RETREG1: variants seen among roughly 807,000 people sequenced by gnomAD.
RETREG1 encodes family with sequence similarity 134 member B.
In RETREG1, 44 loss-of-function variants were observed where a neutral mutation model predicts 54.8. The observed-to-expected ratio is 0.80, with a 90% CI of 0.63 to 1.03. The LOEUF is 1.03. Among genes scored for constraint, RETREG1 ranks in the 50% least tolerant of loss-of-function variants. RETREG1 has a pLI of 0.00. For missense variants in RETREG1, 554 were observed against 605.1 expected (o/e 0.92, Z 0.89); for synonymous variants, 217 against 238.5 (o/e 0.91, Z 0.83).
intron 1 of RETREG1, among the ~76,000 whole-genome samples, chr5:16,581,822 A>G (rs1217319646): frequency 1.3e-5 from 2 of 152,250 alleles, no homozygotes; most frequent in Non-Finnish European, 2.9e-5. Flanking sequence ...TGAATAGAAT[A>G]CAACCTTTTA....
intron 1 of RETREG1, among the ~76,000 whole-genome samples, chr5:16,583,731 C>A (rs1341523575): frequency 6.6e-6 from 1 of 152,110 alleles, no homozygotes; most frequent in Non-Finnish European, 1.5e-5. Context: ...AAAAATCTAA[C>A]CCTCATTTCT....
intron 3 of RETREG1, among the ~76,000 whole-genome samples, chr5:16,543,969 A>G (rs1016121886): frequency 1.4e-4 from 20 of 141,706 alleles, no homozygotes; most frequent in Non-Finnish European, 2.8e-4. Flanking sequence ...TTTATTGCCA[A>G]GTTTTTTTTT....
intron 3 of RETREG1, among the ~76,000 whole-genome samples, chr5:16,533,145 C>T (rs1367886384): frequency 1.3e-5 from 2 of 151,952 alleles, no homozygotes; most frequent in African/African-American, 2.4e-5. Flanking sequence ...CCCGGGTTCA[C>T]GCCATTCTCC....
intron 1 of RETREG1, among the ~76,000 whole-genome samples, chr5:16,592,724 A>T (rs1742808263): frequency 6.6e-6 from 1 of 152,134 alleles, no homozygotes; most frequent in Admixed American, 6.5e-5. Context: ...CCATAAAAAA[A>T]AAAATCATGT....
intron 3 of RETREG1, among the ~76,000 whole-genome samples, chr5:16,532,128 ATCTTAGTAGCC>A (rs1419417419): frequency 1.3e-5 from 2 of 152,228 alleles, no homozygotes; most frequent in African/African-American, 4.8e-5. Flanking sequence ...ATGACATCAC[ATCTTAGTAGCC>A]TCTTTGCCAC....
chr5:16,518,959 T>C (rs1740445557), intron 3 of RETREG1, among the ~76,000 whole-genome samples: 1 of 152,112 alleles, frequency 6.6e-6, no homozygotes, highest in Admixed American at 6.6e-5. Context: ...CAAAGAGAAA[T>C]AAGGGTATGG....
Position 16,561,793 on chromosome 5 carries a change from A to G in RETREG1, c.458+3970T>C, listed in dbSNP as rs1429122172. Among the ~76,000 whole-genome samples the G allele has an allele frequency of 6.6e-6, 1 of 152,258 alleles. No individual in the cohort carries two copies. The highest frequency in any genetic ancestry group is 1.5e-5 in the Non-Finnish European group (1 of 68,046). ...GCAGAAATTCTCACATGCAAATTTT[A>G]GATGCATTCAGAAGGGTTGTGGGTG... On this transcript the variant is annotated intron_variant, in intron 3 of 8. Transcript: ENST00000306320. The surrounding 1 kb of genome is among the most constrained non-coding windows in gnomAD (Gnocchi z 4.2).
chr5:16,601,451 C>T (rs994197248), intron 1 of RETREG1, among the ~76,000 whole-genome samples: 3 of 150,126 alleles, frequency 2.0e-5, no homozygotes, highest in Non-Finnish European at 4.4e-5. Context: ...GGCTGGAGTG[C>T]AATGGCGTGA....
chr5:16,492,199 CCTCT>C (rs369038338), intron 3 of RETREG1, among the ~76,000 whole-genome samples: 2,052 of 136,006 alleles, frequency 0.015, 50 homozygotes, highest in African/African-American at 0.05. Context: ...ACAGTGTTGT[CCTCT>C]CTCTCTCTCT....
intron 1 of RETREG1, among the ~76,000 whole-genome samples, chr5:16,576,045 T>C (rs1228254416): frequency 5.3e-5 from 8 of 152,182 alleles, no homozygotes; most frequent in Non-Finnish European, 1.2e-4. Context: ...GGAGGGTTTG[T>C]GTTATTAGAT....
chr5:16,536,315 A>G (rs534276956), intron 3 of RETREG1, among the ~76,000 whole-genome samples: 17 of 152,320 alleles, frequency 1.1e-4, no homozygotes, highest in African/African-American at 3.8e-4. Context: ...GGAAGCCCAC[A>G]CTGATTCATT....
chr5:16,532,684 G>C (rs1285080443), intron 3 of RETREG1, among the ~76,000 whole-genome samples: 1 of 152,224 alleles, frequency 6.6e-6, no homozygotes, highest in Non-Finnish European at 1.5e-5. Flanking sequence ...GTCTAAGTGA[G>C]CACAGTGTAA....
Position 16,477,717 on chromosome 5 carries a change from A to G in RETREG1, c.945T>C (p.Asp315=), listed in dbSNP as rs1406101820. The change falls in exon 8 of 9, where the codon GAT becomes GAC. Residue 315 remains aspartate (D), a synonymous_variant. Transcript: ENST00000306320. ...DTDVSEVSWT[D]NGTFNLSEGY... The stretch of plus-strand genomic sequence containing the variant: ...CTTCTGAAAGGTTGAAGGTCCCATT[A>G]TCAGTCCAGGATACCTCTGAGACGT... The G allele has an allele frequency of 6.2e-7, 1 of 1,613,284 alleles. No homozygotes were observed. Among genetic ancestry groups the G allele is most frequent in the East Asian group, 2.2e-5 (1 of 44,850 alleles).
At chr5:16,565,835 T>A in intron 2 of RETREG1, 42 bp from the exon 3 acceptor site, 1 of 1,603,188 alleles carries the variant, frequency 6.2e-7, no homozygotes, top group Non-Finnish European at 8.5e-7. Context: ...AACAGAGGTA[T>A]TTTTCTCCTG....
chr5:16,541,743 AG>A (rs1741253718), intron 3 of RETREG1, among the ~76,000 whole-genome samples: 2 of 42,406 alleles, frequency 4.7e-5, no homozygotes, highest in South Asian at 2.4e-3. Flanking sequence ...GAGGGAGGGA[AG>A]GAAGGAAGGA....
chr5:16,554,143 C>T (rs1174474411), intron 3 of RETREG1, among the ~76,000 whole-genome samples: 1 of 152,222 alleles, frequency 6.6e-6, no homozygotes, highest in Admixed American at 6.5e-5. Flanking sequence ...ACTTTGATCT[C>T]ACCTGACCTT....
At chr5:16,582,339 A>G (rs562434667) in intron 1 of RETREG1, among the ~76,000 whole-genome samples, 1 of 152,314 alleles carries the variant, frequency 6.6e-6, no homozygotes, top group South Asian at 2.1e-4. Flanking sequence ...ACCACGGCCT[A>G]TATTCGATAA....
At chr5:16,483,096 T>C in intron 4 of RETREG1, 1 of 460,610 alleles carries the variant, frequency 2.2e-6, no homozygotes, top group Non-Finnish European at 3.9e-6. Context: ...CACCATTCAT[T>C]TTAGCTAATG....
intron 3 of RETREG1, among the ~76,000 whole-genome samples, chr5:16,553,494 A>G (rs1448835144): frequency 6.6e-6 from 1 of 152,006 alleles, no homozygotes; most frequent in Admixed American, 6.6e-5. Context: ...ATATATATCT[A>G]TACTTTGAAT....
Sources: allele counts gnomAD v4.1 joint callset (sites outside exome capture counted in the v4.1 genomes callset), GRCh38; gene constraint gnomAD v4.1.1; non-coding constraint Gnocchi (gnomAD v3.1); transcripts MANE v1.5; gene names NCBI Gene and HGNC (gene_info 2026-07-23, HGNC 2026-07-21).